MAP3K4: variants seen among roughly 807,000 people sequenced by gnomAD.
The protein encoded by MAP3K4 is mitogen-activated protein kinase kinase kinase 4, also known as MAP three kinase 1.
MAP3K4 carries 67 observed loss-of-function variants against 185.6 expected under a neutral mutation model. The observed-to-expected ratio is 0.36, with a 90% CI of 0.30 to 0.44. The LOEUF is 0.44. Ranked by LOEUF, MAP3K4 falls within the 20% of genes least tolerant of loss-of-function variation. The pLI is 1.00. For missense variants in MAP3K4, 1,551 were observed against 1,995.1 expected (o/e 0.78, Z 4.24); for synonymous variants, 702 against 710.4 (o/e 0.99, Z 0.19).
rs1315347165 is a variant in MAP3K4, at chr6:161,056,352, G to A, written c.1707+6373G>A. On this transcript the variant is annotated intron_variant, in intron 3 of 26. Coordinates refer to ENST00000392142, the MANE Select transcript of MAP3K4 (RefSeq NM_005922.4). The surrounding 1 kb of genome is among the most constrained non-coding windows in gnomAD (Gnocchi z 5.4). ...TGGGTGTGTTCGGTGCTGTTGGGGT[G>A]TCATTGCTTTTAGGCCTTCTCAGTG... is the stretch of plus-strand genomic sequence containing the variant. 6.6e-6 allele frequency among the ~76,000 whole-genome samples: 1 copy of A among 152,170 alleles called. No individual in the cohort carries two copies. Among genetic ancestry groups the A allele is most frequent in the African/African-American group, 2.4e-5 (1 of 41,432 alleles).
chr6:161,020,700 C>T (rs1445380677), intron 1 of MAP3K4, among the ~76,000 whole-genome samples: 1 of 150,280 alleles, frequency 6.7e-6, no homozygotes, highest in African/African-American at 2.4e-5. Context: ...TGCATGCATG[C>T]ACATAATGAA....
chr6:161,097,185 T>C lies in MAP3K4; in HGVS notation c.3524+9T>C. 6.2e-7 allele frequency: 1 copy of C among 1,612,384 alleles called. No homozygotes were observed. Among genetic ancestry groups the C allele is most frequent in the Non-Finnish European group, 8.5e-7 (1 of 1,178,468 alleles). On this transcript the variant is annotated intron_variant, in intron 16 of 26. Coordinates refer to ENST00000392142, the MANE Select transcript of MAP3K4 (RefSeq NM_005922.4). The surrounding 1 kb of genome is among the most constrained non-coding windows in gnomAD (Gnocchi z 4.9). Reference sequence around the variant, plus strand: ...ACTCCAGAGGGATTCAGGTATTTGGTGCTTATCTAGTCATTTGCTTTACAG... The same window carrying C: ...ACTCCAGAGGGATTCAGGTATTTGGCGCTTATCTAGTCATTTGCTTTACAG...
chr6:161,083,443 T>C (rs1005888696), intron 6 of MAP3K4, among the ~76,000 whole-genome samples: 13 of 152,212 alleles, frequency 8.5e-5, no homozygotes, highest in African/African-American at 2.9e-4. Context: ...TTTAAAAGCA[T>C]TGTTTCCAAT....
intron 7 of MAP3K4, among the ~76,000 whole-genome samples, chr6:161,085,904 C>T (rs139701412): frequency 6.6e-6 from 1 of 152,252 alleles, no homozygotes; most frequent in African/African-American, 2.4e-5. Context: ...TTTCATTGCT[C>T]AGGGACATCA....
chr6:161,006,195 A>G (rs530162282), intron 1 of MAP3K4, among the ~76,000 whole-genome samples: 121 of 152,270 alleles, frequency 7.9e-4, no homozygotes, highest in African/African-American at 2.8e-3. Flanking sequence ...AGTTTCCATG[A>G]TCCATGTCTT....
At chr6:161,081,096 T>G in intron 6 of MAP3K4, 58 bp downstream of exon 6, 1 of 1,547,054 alleles carries the variant, frequency 6.5e-7, no homozygotes, top group South Asian at 1.2e-5. Flanking sequence ...TCACACCATT[T>G]ACTCACTGAT....
chr6:161,072,346 T>C (rs1276445001), intron 4 of MAP3K4, among the ~76,000 whole-genome samples: 1 of 152,242 alleles, frequency 6.6e-6, no homozygotes, highest in Admixed American at 6.5e-5. Context: ...CATTCAGAGA[T>C]AACTGCTATG....
intron 1 of MAP3K4, among the ~76,000 whole-genome samples, chr6:161,031,788 C>G (rs1472665990): frequency 6.6e-6 from 1 of 152,164 alleles, no homozygotes; most frequent in Admixed American, 6.5e-5. Flanking sequence ...CTTTAAAATT[C>G]CAGATTATTA....
At position 161,022,208 on chromosome 6, in the gene MAP3K4, G is replaced by C. The variant is rs1782436118; in HGVS notation, c.153-12051G>C. 6.6e-6 allele frequency: 1 copy of C among 152,214 alleles called. No homozygotes were observed. Among genetic ancestry groups the C allele is most frequent in the African/African-American group, 2.4e-5 (1 of 41,450 alleles). 9.4% of individuals were successfully genotyped at this position (152,214 alleles called of 1,614,324 possible). A position where few individuals can be genotyped will look rare whatever the true frequency, so the allele number is the denominator to read the frequency against. ...TGCACATTGACCTTCCTGGAACGCA[G>C]AGTGTAATCCCTGCATTTGGTACGG... is the stretch of plus-strand genomic sequence containing the variant. On this transcript the variant is annotated intron_variant, in intron 1 of 26. Coordinates refer to ENST00000392142, the MANE Select transcript of MAP3K4 (RefSeq NM_005922.4). The surrounding 1 kb of genome is among the most constrained non-coding windows in gnomAD (Gnocchi z 4.2).
chr6:161,063,454 A>T lies in MAP3K4; in HGVS notation c.1708-7154A>T, dbSNP rs1221667188. On this transcript the variant is annotated intron_variant, in intron 3 of 26. Transcript: ENST00000392142. The surrounding 1 kb of genome is among the most constrained non-coding windows in gnomAD (Gnocchi z 5.4). Reference sequence around the variant, plus strand: ...ACATGATACTTGTTTCCATGAACTTAAAGGAGAGAGGGAGTTAGGAAAGTG... The same window carrying T: ...ACATGATACTTGTTTCCATGAACTTTAAGGAGAGAGGGAGTTAGGAAAGTG... Among the ~76,000 whole-genome samples the T allele has an allele frequency of 6.6e-6, 1 of 152,084 alleles. No individual in the cohort carries two copies. The highest frequency in any genetic ancestry group is 1.5e-5 in the Non-Finnish European group (1 of 68,026).
At chr6:161,001,967 A>G (rs889404865) in intron 1 of MAP3K4, among the ~76,000 whole-genome samples, 3 of 151,914 alleles carry the variant, frequency 2.0e-5, no homozygotes, top group Admixed American at 2.0e-4. Context: ...GAGGCTGGAT[A>G]CTTTTAAAAA....
rs1008541100 is a variant in MAP3K4, at chr6:161,098,481, C to G, written c.3674+54C>G. On this transcript the variant is annotated intron_variant, in intron 17 of 26. Coordinates refer to ENST00000392142, the MANE Select transcript of MAP3K4 (RefSeq NM_005922.4). This position sits in a 1 kb window ranked among gnomAD's most constrained non-coding sequence, Gnocchi z 4.4. ...CCTCACCACCCCTTACATGCGCTTA[C>G]ACAGCAACCATAGTGTTAGGGTGTG... 2.6e-6 allele frequency: 4 copies of G among 1,563,528 alleles called. No homozygotes were observed. The African/African-American group carries it at 5.4e-5, about 21-fold the overall frequency.
chr6:161,030,391 G>T (rs1782869332), intron 1 of MAP3K4, among the ~76,000 whole-genome samples: 1 of 151,674 alleles, frequency 6.6e-6, no homozygotes, highest in African/African-American at 2.4e-5. Flanking sequence ...GTTTCTTTGG[G>T]TTTTTCTCCT....
Position 161,101,914 on chromosome 6 carries a change from G to A in MAP3K4, c.3697G>A (p.Asp1233Asn). 4 of 1,614,096 alleles carry A rather than the reference G, an allele frequency of 2.5e-6. No individual in the cohort carries two copies. The highest frequency in any genetic ancestry group is 3.4e-6 in the Non-Finnish European group (4 of 1,179,980). Residue 1233 changes from aspartate to asparagine, a missense_variant, in exon 18 of 27, where the codon GAT (aspartate) becomes AAT (asparagine). Coordinates refer to ENST00000392142, the MANE Select transcript of MAP3K4 (RefSeq NM_005922.4). The surrounding 1 kb of genome is among the most constrained non-coding windows in gnomAD (Gnocchi z 5.1). Reference protein sequence around the residue: ...DTRGSSVPENDRLASIAAELQ... With the variant: ...DTRGSSVPENNRLASIAAELQ... The stretch of plus-strand genomic sequence containing the variant: ...CAGGGGTTCCAGCGTTCCTGAAAAT[G>A]ATCGATTGGCTTCCATAGCTGCTGA...
chr6:161,111,269 C>T (rs1442656676), intron 23 of MAP3K4, among the ~76,000 whole-genome samples: 1 of 152,178 alleles, frequency 6.6e-6, no homozygotes, highest in Non-Finnish European at 1.5e-5. Context: ...CAGCCTAGAG[C>T]AAAAGGCCAA....
chr6:160,995,365 G>A (rs953730304), intron 1 of MAP3K4, among the ~76,000 whole-genome samples: 3 of 152,330 alleles, frequency 2.0e-5, no homozygotes, highest in East Asian at 1.9e-4. Flanking sequence ...TTATGTCTGT[G>A]TGTCATTGAT....
In MAP3K4 at chr6:161,080,594, A is replaced by T. The variant is rs1482854593; in HGVS notation, c.2098-287A>T. 2.7e-6 allele frequency: 1 copy of T among 364,024 alleles called. No homozygotes were observed. The highest frequency in any genetic ancestry group is 5.1e-6 in the Non-Finnish European group (1 of 196,764). 22.5% of individuals were successfully genotyped at this position (364,024 alleles called of 1,614,324 possible). ...AAAAGTTCTGGGTACTGTTCTTTTG[A>T]TTTTTTCCCCTTTATTGTAGATTGT... On this transcript the variant is annotated intron_variant, in intron 5 of 26. Coordinates refer to ENST00000392142, the MANE Select transcript of MAP3K4 (RefSeq NM_005922.4). The surrounding 1 kb of genome is among the most constrained non-coding windows in gnomAD (Gnocchi z 4.8).
rs374945633 is a variant in MAP3K4 at position 161,115,541 on chromosome 6, G to A, written c.4806+239G>A. Among the ~76,000 whole-genome samples the A allele has an allele frequency of 2.0e-5, 3 of 152,164 alleles. No individual in the cohort carries two copies. The highest frequency in any genetic ancestry group is 4.4e-5 in the Non-Finnish European group (3 of 68,034). ...TAAGATACACCAGAGACAGTAAAAT[G>A]GACTTTTAGATGGGACTGGATGAAA... On this transcript the variant is annotated intron_variant, in intron 26 of 26. Transcript: ENST00000392142. This position sits in a 1 kb window ranked among gnomAD's most constrained non-coding sequence, Gnocchi z 6.0.
intron 13 of MAP3K4, among the ~76,000 whole-genome samples, chr6:161,092,633 A>G (rs754988890): frequency 6.6e-5 from 10 of 152,092 alleles, no homozygotes; most frequent in African/African-American, 9.7e-5. Flanking sequence ...TCCAAGTTAG[A>G]GAAAACACAT....
Sources: gnomAD v4.1 joint callset for allele counts (sites outside exome capture counted in the v4.1 genomes callset) on GRCh38, gnomAD v4.1.1 for gene constraint, Gnocchi (gnomAD v3.1) non-coding constraint, MANE v1.5 for transcripts, NCBI Gene and HGNC (gene_info 2026-07-23, HGNC 2026-07-21) for gene names.